Variants in ME1 observed in about 807,000 individuals in gnomAD.
The protein encoded by ME1 is malic enzyme 1.
In ME1, 74 loss-of-function variants were observed where a neutral mutation model predicts 66.4. The ratio of observed to expected loss-of-function variants is 1.11; its 90% CI spans 0.92 to 1.35. ME1 has a LOEUF of 1.35. ME1 is among the 40% of genes most tolerant of loss of function. The probability of loss-of-function intolerance (pLI) is 0.00; values close to 1 mark genes in which losing one functional copy is unlikely to be tolerated. For synonymous variants in ME1, 251 were observed against 235.6 expected (o/e 1.07, Z -0.60); for missense variants, 750 against 694.1 (o/e 1.08, Z -0.90).
chr6:83,261,420 ATTTTT>A lies in ME1; in HGVS notation c.705-7687_705-7683del, dbSNP rs57450786. Among the ~76,000 whole-genome samples, 1,014 of 110,880 alleles carry A rather than the reference ATTTTT, an allele frequency of 9.1e-3. 9 individuals are homozygous for A. Among genetic ancestry groups the A allele is most frequent in the Middle Eastern group, 0.018 (3 of 166 alleles). 72.7% of individuals were successfully genotyped at this position (110,880 alleles called of 152,430 possible). A position where few individuals can be genotyped will look rare whatever the true frequency, so the allele number is the denominator to read the frequency against. ...AGGTTCTTTGTTTACTCTGTTGGTA[ATTTTT>A]TTTTTTTTTTTTTTGCTGTGGAAAA... On this transcript the variant is annotated intron_variant, in intron 6 of 13. Transcript: ENST00000369705.
intron 5 of ME1, among the ~76,000 whole-genome samples, chr6:83,334,591 G>T (rs1424523223): frequency 9.5e-5 from 1 of 10,516 alleles, no homozygotes; most frequent in East Asian, 2.2e-3. Context: ...AGAGAGCAGT[G>T]GTTCTCCCAG....
chr6:83,418,536 C>A (rs1464110740), intron 1 of ME1, among the ~76,000 whole-genome samples: 7 of 152,206 alleles, frequency 4.6e-5, no homozygotes. Flanking sequence ...TTCAAATGTT[C>A]ATCTTATCCA....
chr6:83,373,488 G>A (rs1054664689), intron 3 of ME1, among the ~76,000 whole-genome samples: 3 of 151,990 alleles, frequency 2.0e-5, no homozygotes, highest in Non-Finnish European at 4.4e-5. Flanking sequence ...AAAGTGCTGG[G>A]ATTACAGGCG....
At chr6:83,283,102 C>G in intron 6 of ME1, among the ~76,000 whole-genome samples, 1 of 149,388 alleles carries the variant, frequency 6.7e-6, no homozygotes, top group Non-Finnish European at 1.5e-5. Flanking sequence ...GTAGCGGGCG[C>G]CTGTAGTCCC....
At chr6:83,232,592 G>A (rs1790326593) in intron 9 of ME1, among the ~76,000 whole-genome samples, 1 of 152,120 alleles carries the variant, frequency 6.6e-6, no homozygotes, top group African/African-American at 2.4e-5. Context: ...AAAAGAGGGA[G>A]AAAACAATCA....
intron 6 of ME1, among the ~76,000 whole-genome samples, chr6:83,279,406 T>C (rs564640141): frequency 6.6e-6 from 1 of 152,308 alleles, no homozygotes; most frequent in South Asian, 2.1e-4. Flanking sequence ...GAAATAACTA[T>C]GATTAATATG....
intron 2 of ME1, among the ~76,000 whole-genome samples, chr6:83,404,462 C>A (rs147704394): frequency 0.03 from 4,588 of 152,158 alleles, 220 homozygotes; most frequent in African/African-American, 0.11. Flanking sequence ...CCTGTTCACT[C>A]CGATGATAGT....
chr6:83,227,002 T>C (rs1424556154), intron 11 of ME1, among the ~76,000 whole-genome samples: 2 of 152,170 alleles, frequency 1.3e-5, no homozygotes, highest in African/African-American at 4.8e-5. Context: ...TGTTTGGGAA[T>C]AGCTAGTTAA....
chr6:83,385,517 C>A (rs757069157), intron 3 of ME1, among the ~76,000 whole-genome samples: 2 of 151,860 alleles, frequency 1.3e-5, no homozygotes, highest in Non-Finnish European at 2.9e-5. Context: ...CATTTAAAAT[C>A]TCTAGATGAA....
At chr6:83,227,267 A>T in intron 11 of ME1, 68 bp downstream of exon 11, 1 of 1,130,260 alleles carries the variant, frequency 8.8e-7, no homozygotes, top group Non-Finnish European at 1.2e-6. Context: ...AGCACCTTAG[A>T]TATCCTAGGC....
At chr6:83,388,201 C>T (rs1186400007) in intron 3 of ME1, among the ~76,000 whole-genome samples, 1 of 151,544 alleles carries the variant, frequency 6.6e-6, no homozygotes, top group Admixed American at 6.6e-5. Flanking sequence ...AATCCTCCCA[C>T]CTCAGCCCCC....
At chr6:83,375,335 G>T (rs1769269605) in intron 3 of ME1, among the ~76,000 whole-genome samples, 1 of 152,112 alleles carries the variant, frequency 6.6e-6, no homozygotes, top group East Asian at 1.9e-4. Flanking sequence ...GTATTCCCGG[G>T]TATTTTATTC....
At chr6:83,253,543 T>C in intron 7 of ME1, 86 bp downstream of exon 7, 1 of 718,682 alleles carries the variant, frequency 1.4e-6, no homozygotes, top group Admixed American at 2.0e-5. Context: ...GTACTCAGTA[T>C]ATATTGATTG....
rs779513953 is a variant in ME1, at chr6:83,227,488, A to G, written c.1133-11T>C. The G allele has an allele frequency of 2.5e-6, 4 of 1,585,318 alleles. No individual in the cohort carries two copies. The highest frequency in any genetic ancestry group is 3.4e-6 in the Non-Finnish European group (4 of 1,162,554). On this transcript the variant is annotated splice_polypyrimidine_tract_variant and intron_variant, in intron 10 of 13. Coordinates refer to ENST00000369705, the MANE Select transcript of ME1 (RefSeq NM_002395.6). ...CAATTGCAGCAACTCCTAATGAAGA[A>G]ATATGAAGCTGGTAATTAACACTAT...
At chr6:83,251,778 T>C (rs1051787400) in intron 7 of ME1, among the ~76,000 whole-genome samples, 1 of 152,094 alleles carries the variant, frequency 6.6e-6, no homozygotes, top group African/African-American at 2.4e-5. Flanking sequence ...GAAACATGCA[T>C]CAGACCATGC....
chr6:83,283,215 A>G (rs1170503), intron 6 of ME1, among the ~76,000 whole-genome samples: 26,823 of 108,496 alleles, frequency 0.25, 3,274 homozygotes, highest in Middle Eastern at 0.41. Flanking sequence ...GCGACAGAGC[A>G]AGACTCCGTC....
Position 83,314,663 on chromosome 6 carries a change from C to CTCATTATAT in ME1, c.704+638_704+646dup, listed in dbSNP as rs535231587. ...TTTCTTGTGTAGATATGGGTACCAT[C>CTCATTATAT]TCATTATATATATATGCAAATATTT... On this transcript the variant is annotated intron_variant, in intron 6 of 13. Coordinates refer to ENST00000369705, the MANE Select transcript of ME1 (RefSeq NM_002395.6). Among the ~76,000 whole-genome samples, 1,472 of 152,124 alleles carry CTCATTATAT rather than the reference C, an allele frequency of 9.7e-3. 20 individuals carry two copies. The highest frequency in any genetic ancestry group is 0.033 in the African/African-American group (1,364 of 41,480).
intron 6 of ME1, among the ~76,000 whole-genome samples, chr6:83,296,189 G>A (rs1391317350): frequency 1.3e-5 from 2 of 151,918 alleles, no homozygotes; most frequent in African/African-American, 4.8e-5. Flanking sequence ...GATACCAAAA[G>A]CTGGCAGAGA....
chr6:83,280,138 A>G (rs1489205460), intron 6 of ME1, among the ~76,000 whole-genome samples: 1 of 152,218 alleles, frequency 6.6e-6, no homozygotes, highest in African/African-American at 2.4e-5. Flanking sequence ...ATGATATGTC[A>G]GGAATTATGT....
Sources: allele counts gnomAD v4.1 joint callset (sites outside exome capture counted in the v4.1 genomes callset), GRCh38; gene constraint gnomAD v4.1.1; transcripts MANE v1.5; gene names NCBI Gene and HGNC (gene_info 2026-07-23, HGNC 2026-07-21).